DMD: variants seen among roughly 807,000 people sequenced by gnomAD.
DMD encodes the protein mutant dystrophin.
DMD carries 63 observed loss-of-function variants against 330.1 expected under a neutral mutation model. The ratio of observed to expected loss-of-function variants is 0.19; its 90% CI spans 0.16 to 0.24. DMD has a LOEUF of 0.24. DMD is among the 10% of genes least tolerant of loss of function. The pLI is 1.00. For missense variants in DMD, 3,344 were observed against 2,684.1 expected, an observed-to-expected ratio of 1.25 and a Z score of -5.43; for synonymous variants, 1,223 against 959.8, an observed-to-expected ratio of 1.27 and a Z score of -5.07.
intron 48 of DMD, among the ~76,000 whole-genome samples, chrX:31,840,549 C>CT (rs1207207240): frequency 0.28 from 21,496 of 76,269 alleles, 3,338 homozygotes; most frequent in African/African-American, 0.45. Flanking sequence ...GCAGATACTG[C>CT]TTTTTTTTTT....
intron 1 of DMD, among the ~76,000 whole-genome samples, chrX:33,171,617 A>G (rs536845134): frequency 9.0e-6 from 1 of 111,236 alleles, no homozygotes; most frequent in South Asian, 3.7e-4. Context: ...CCTTTCCCTC[A>G]CAGATCCCTC....
At chrX:32,461,465 C>T (rs1025540288) in intron 25 of DMD, among the ~76,000 whole-genome samples, 5 of 111,189 alleles carry the variant, frequency 4.5e-5, no homozygotes, top group African/African-American at 1.6e-4. Flanking sequence ...CAGAACATAG[C>T]TTGGATCTAT....
At chrX:32,736,400 G>C (rs2068490196) in intron 7 of DMD, among the ~76,000 whole-genome samples, 3 of 111,225 alleles carry the variant, frequency 2.7e-5, no homozygotes, top group African/African-American at 9.9e-5. Flanking sequence ...ATTTGACCCA[G>C]CCATCCCGTT....
intron 4 of DMD, among the ~76,000 whole-genome samples, chrX:32,829,647 CTTCTT>C (rs2079008387): frequency 9.0e-6 from 1 of 111,685 alleles, no homozygotes; most frequent in Non-Finnish European, 1.9e-5. Context: ...AAGATGCATA[CTTCTT>C]TTATTTCCAT....
intron 63 of DMD, among the ~76,000 whole-genome samples, chrX:31,238,124 C>T (rs1225348998): frequency 8.9e-6 from 1 of 111,936 alleles, no homozygotes; most frequent in African/African-American, 3.2e-5. Context: ...CGGGCAGACT[C>T]TGAGTTCCTC....
chrX:32,374,419 G>A, intron 34 of DMD, among the ~76,000 whole-genome samples: 1 of 111,526 alleles, frequency 9.0e-6, no homozygotes, highest in East Asian at 2.8e-4. Flanking sequence ...TTTATTCTAG[G>A]ATTTTTAGTA....
intron 9 of DMD, among the ~76,000 whole-genome samples, chrX:32,658,380 A>G (rs1415414140): frequency 3.6e-5 from 4 of 111,354 alleles, no homozygotes; most frequent in African/African-American, 6.5e-5. Flanking sequence ...GATAATAGGT[A>G]TCTTCAATTT....
At chrX:31,362,231 C>T (rs2058976236) in intron 60 of DMD, among the ~76,000 whole-genome samples, 1 of 111,889 alleles carries the variant, frequency 8.9e-6, no homozygotes, top group Admixed American at 9.5e-5. Flanking sequence ...AAAATGATTT[C>T]AGTGCACTGA....
intron 54 of DMD, among the ~76,000 whole-genome samples, chrX:31,648,740 T>A (rs781011419): frequency 1.0e-5 from 1 of 100,291 alleles, no homozygotes; most frequent in South Asian, 5.0e-4. Flanking sequence ...TTAGATTTCA[T>A]AAAACTCATT....
chrX:32,902,364 C>T (rs1464526573), intron 2 of DMD, among the ~76,000 whole-genome samples: 1 of 110,368 alleles, frequency 9.1e-6, no homozygotes, highest in Non-Finnish European at 1.9e-5. Flanking sequence ...AGAAAGACAC[C>T]AAATTTTGAT....
intron 60 of DMD, among the ~76,000 whole-genome samples, chrX:31,361,346 T>C (rs1298847660): frequency 9.0e-6 from 1 of 111,707 alleles, no homozygotes; most frequent in East Asian, 2.8e-4. Flanking sequence ...TACACTGTAC[T>C]GTATGTTCAT....
chrX:32,644,106 T>A (rs41303189), intron 11 of DMD, 26 bp downstream of exon 11: 1 of 1,171,776 alleles, frequency 8.5e-7, no homozygotes, highest in East Asian at 3.0e-5. Flanking sequence ...GTTAGTCTTC[T>A]TAATTAAAAA....
intron 1 of DMD, among the ~76,000 whole-genome samples, chrX:33,159,952 G>A (rs1047591426): frequency 3.6e-5 from 4 of 111,284 alleles, no homozygotes; most frequent in South Asian, 3.8e-4. Context: ...GACAATCCCC[G>A]ATTTACAATG....
chrX:32,293,524 G>A (rs1056758351), intron 42 of DMD, among the ~76,000 whole-genome samples: 14 of 111,636 alleles, frequency 1.3e-4, no homozygotes, highest in Non-Finnish European at 1.7e-4. Flanking sequence ...CTTATCGAGA[G>A]CAACAACAGC....
chrX:33,080,390 C>T (rs1191392823), intron 1 of DMD, among the ~76,000 whole-genome samples: 1 of 111,226 alleles, frequency 9.0e-6, no homozygotes, highest in African/African-American at 3.3e-5. Flanking sequence ...AACCTCTGAA[C>T]TAGACAAAAT....
At chrX:31,423,386 G>GAA (rs916772985) in intron 60 of DMD, among the ~76,000 whole-genome samples, 2 of 109,621 alleles carry the variant, frequency 1.8e-5, no homozygotes, top group African/African-American at 6.6e-5. Context: ...TATTTTACTG[G>GAA]AAAAAAAAAT....
chrX:32,568,665 G>A lies in DMD; in HGVS notation c.1813-2784C>T, dbSNP rs1603636612. On this transcript the variant is annotated intron_variant, in intron 15 of 78. Transcript: ENST00000357033. ...CTTATACCTAGTAAATTTTAGATAT[G>A]AGTATCAAAAATGATGATGGCAGAT... Among the ~76,000 whole-genome samples, 5 of 111,682 alleles carry A rather than the reference G, an allele frequency of 4.5e-5. No homozygotes were observed. In the South Asian group the frequency reaches 1.9e-3, roughly 42 times the overall value.
At chrX:32,433,803 A>G (rs1298288118) in intron 29 of DMD, among the ~76,000 whole-genome samples, 1 of 112,063 alleles carries the variant, frequency 8.9e-6, no homozygotes, top group African/African-American at 3.2e-5. Context: ...ACTATTACCA[A>G]TATTATTATT....
intron 1 of DMD, among the ~76,000 whole-genome samples, chrX:33,301,897 T>C (rs1233881590): frequency 1.8e-5 from 2 of 111,965 alleles, no homozygotes; most frequent in African/African-American, 6.5e-5. Flanking sequence ...GTAGGACACA[T>C]TCAGATCATA....
Sources: gnomAD v4.1 joint callset for allele counts (sites outside exome capture counted in the v4.1 genomes callset) on GRCh38, gnomAD v4.1.1 for gene constraint, MANE v1.5 for transcripts, NCBI Gene and HGNC (gene_info 2026-07-23, HGNC 2026-07-21) for gene names.